Variants in PDE4B observed in about 807,000 individuals in gnomAD.
The protein encoded by PDE4B is 3',5'-cyclic-AMP phosphodiesterase 4B.
Under a neutral mutation model 82.2 loss-of-function variants are expected in PDE4B, and 20 were observed. The observed-to-expected ratio is 0.24, with a 90% CI of 0.17 to 0.35. The LOEUF (loss-of-function observed/expected upper bound fraction) is 0.35. Among genes scored for constraint, PDE4B ranks in the 10% least tolerant of loss-of-function variants. The pLI, the probability that PDE4B is intolerant of heterozygous loss-of-function variation, is 1.00. For missense variants in PDE4B, 655 were observed against 907.2 expected, an observed-to-expected ratio of 0.72 and a Z score of 3.57; for synonymous variants, 320 against 318.9, an observed-to-expected ratio of 1.00 and a Z score of -0.04.
At chr1:66,073,519 C>T (rs1289024292) in intron 3 of PDE4B, among the ~76,000 whole-genome samples, 2 of 152,112 alleles carry the variant, frequency 1.3e-5, no homozygotes, top group Non-Finnish European at 2.9e-5. Context: ...TCTGTACACC[C>T]AGCTCATATC....
At chr1:66,075,587 T>C (rs929240589) in intron 3 of PDE4B, among the ~76,000 whole-genome samples, 6 of 152,060 alleles carry the variant, frequency 3.9e-5, no homozygotes, top group Admixed American at 6.6e-5. Flanking sequence ...AAAATTATAA[T>C]CCTGTGAATA....
At chr1:65,858,897 T>C (rs1478269111) in intron 1 of PDE4B, among the ~76,000 whole-genome samples, 1 of 152,184 alleles carries the variant, frequency 6.6e-6, no homozygotes, top group African/African-American at 2.4e-5. Context: ...TGAACCATTC[T>C]GTAATAGACC....
At chr1:65,881,440 G>C (rs1378374092) in intron 1 of PDE4B, among the ~76,000 whole-genome samples, 1 of 152,162 alleles carries the variant, frequency 6.6e-6, no homozygotes, top group African/African-American at 2.4e-5. Flanking sequence ...CCGCCTGCCA[G>C]ACCTGCTTCC....
intron 3 of PDE4B, among the ~76,000 whole-genome samples, chr1:66,069,533 T>C (rs1656043742): frequency 6.6e-6 from 1 of 152,038 alleles, no homozygotes; most frequent in Non-Finnish European, 1.5e-5. Context: ...TTTTCTAGAT[T>C]TATGGCTCTG....
chr1:65,796,027 GA>G, intron 1 of PDE4B, among the ~76,000 whole-genome samples: 1 of 152,304 alleles, frequency 6.6e-6, no homozygotes, highest in East Asian at 1.9e-4. Flanking sequence ...TCCAGCACTT[GA>G]AAAATGTTAT....
chr1:66,192,041 G>A (rs1384805846), intron 3 of PDE4B, among the ~76,000 whole-genome samples: 1 of 152,094 alleles, frequency 6.6e-6, no homozygotes, highest in African/African-American at 2.4e-5. Flanking sequence ...CATATCAGAA[G>A]TCTTTTTAGG....
chr1:65,966,903 CTTAAA>C (rs1649865592), intron 3 of PDE4B, among the ~76,000 whole-genome samples: 1 of 152,144 alleles, frequency 6.6e-6, no homozygotes. Context: ...GGATTAAAGA[CTTAAA>C]CATAAGATCT....
chr1:66,155,650 T>G (rs1364219811), intron 3 of PDE4B, among the ~76,000 whole-genome samples: 1 of 151,668 alleles, frequency 6.6e-6, no homozygotes, highest in Non-Finnish European at 1.5e-5. Flanking sequence ...TACACATATA[T>G]GCTATATATA....
intron 3 of PDE4B, among the ~76,000 whole-genome samples, chr1:66,101,304 G>C (rs1645219204): frequency 6.6e-6 from 1 of 152,174 alleles, no homozygotes; most frequent in Non-Finnish European, 1.5e-5. Context: ...ATGTGCATGT[G>C]TCTTTATAGC....
At chr1:66,062,112 C>T (rs1655611131) in intron 3 of PDE4B, among the ~76,000 whole-genome samples, 2 of 151,998 alleles carry the variant, frequency 1.3e-5, no homozygotes, top group African/African-American at 4.8e-5. Context: ...CTTTAGCCAT[C>T]TTAGCATTTA....
chr1:66,336,700 G>T lies in PDE4B; in HGVS notation c.747+4080G>T, dbSNP rs1660544523. Among the ~76,000 whole-genome samples, 5 of 124,118 alleles carry T rather than the reference G, an allele frequency of 4.0e-5. No homozygotes were observed. The Admixed American group carries it at 4.4e-4, about 11-fold the overall frequency. 81.4% of individuals were successfully genotyped at this position (124,118 alleles called of 152,430 possible). On this transcript the variant is annotated intron_variant, in intron 8 of 16. Transcript: ENST00000341517. ...GGACTTAGCACTTGAGTAAATGTTT[G>T]CTAAGATAGAAATGGAAGATAGATG...
intron 3 of PDE4B, among the ~76,000 whole-genome samples, chr1:66,199,719 T>A (rs554037466): frequency 6.6e-6 from 1 of 151,932 alleles, no homozygotes; most frequent in Non-Finnish European, 1.5e-5. Flanking sequence ...GATTCACAAA[T>A]ATCTACACCT....
At chr1:66,022,692 T>C (rs1334216762) in intron 3 of PDE4B, among the ~76,000 whole-genome samples, 1 of 152,246 alleles carries the variant, frequency 6.6e-6, no homozygotes, top group East Asian at 1.9e-4. Context: ...TTTGATGTGC[T>C]GCTGGATTCG....
chr1:66,007,456 C>G (rs775567584), intron 3 of PDE4B, among the ~76,000 whole-genome samples: 3 of 149,988 alleles, frequency 2.0e-5, no homozygotes, highest in Non-Finnish European at 2.9e-5. Context: ...AACAACCCCC[C>G]CCAACCAAAA....
In PDE4B at chr1:66,206,331, G is replaced by A. The variant is rs904583408; in HGVS notation, c.282-41129G>A. ...AGTGTCCCTGAACGTTCAGCAACAG[G>A]AGAGTGTCTAGGCTGGAGCAAAAAG... On this transcript the variant is annotated intron_variant, in intron 3 of 16. Transcript: ENST00000341517. Among the ~76,000 whole-genome samples the A allele has an allele frequency of 2.0e-5, 3 of 152,250 alleles. No homozygotes were observed. In the South Asian group the frequency reaches 6.2e-4, roughly 32 times the overall value.
Position 66,207,576 on chromosome 1 carries a change from C to G in PDE4B, c.282-39884C>G, listed in dbSNP as rs189533416. The stretch of plus-strand genomic sequence containing the variant: ...CTGGCAAGAACTTGAGAGACAAAAT[C>G]AAATTTGGGTTTCTTTCTAAAATTT... On this transcript the variant is annotated intron_variant, in intron 3 of 16. Transcript: ENST00000341517. 1.4e-4 allele frequency among the ~76,000 whole-genome samples: 22 copies of G among 152,246 alleles called. No homozygotes were observed. The East Asian group carries it at 1.5e-3, about 11-fold the overall frequency.
intron 1 of PDE4B, among the ~76,000 whole-genome samples, chr1:65,848,204 T>A (rs1340353835): frequency 6.6e-6 from 1 of 152,054 alleles, no homozygotes; most frequent in East Asian, 1.9e-4. Flanking sequence ...AGTGGCGTGA[T>A]CTTGGCTCAC....
chr1:65,887,696 G>A lies in PDE4B; in HGVS notation c.-70-25549G>A, dbSNP rs1187193950. 3.3e-5 allele frequency among the ~76,000 whole-genome samples: 5 copies of A among 151,744 alleles called. No homozygotes were observed. The East Asian group carries it at 9.7e-4, about 29-fold the overall frequency. ...GCCTCCCAAAATGCTGGGATTACAGGCATGAGCCACCATGCCCAGCCCAGC... is the reference window on the plus strand; with the variant it reads ...GCCTCCCAAAATGCTGGGATTACAGACATGAGCCACCATGCCCAGCCCAGC... On this transcript the variant is annotated intron_variant, in intron 1 of 16. Coordinates refer to ENST00000341517, the MANE Select transcript of PDE4B (RefSeq NM_002600.4).
At chr1:66,209,935 A>G (rs1390467131) in intron 3 of PDE4B, among the ~76,000 whole-genome samples, 2 of 152,138 alleles carry the variant, frequency 1.3e-5, no homozygotes, top group South Asian at 2.1e-4. Flanking sequence ...CCTGATGTGT[A>G]TATGGTTGTT....
Sources: gnomAD v4.1 joint callset for allele counts (sites outside exome capture counted in the v4.1 genomes callset) on GRCh38, gnomAD v4.1.1 for gene constraint, MANE v1.5 for transcripts, NCBI Gene and HGNC (gene_info 2026-07-23, HGNC 2026-07-21) for gene names.